ADAMTSL5: variants seen among roughly 807,000 people sequenced by gnomAD.
The protein encoded by ADAMTSL5 is ADAMTS-like protein 5.
ADAMTSL5 carries 53 observed loss-of-function variants against 51.7 expected under a neutral mutation model. The ratio of observed to expected loss-of-function variants is 1.03; its 90% CI spans 0.82 to 1.29. ADAMTSL5 has a LOEUF of 1.29. Among genes scored for constraint, ADAMTSL5 ranks in the 50% most tolerant of loss-of-function variants. ADAMTSL5 has a pLI of 0.00. For missense variants in ADAMTSL5, 770 were observed against 676.2 expected (o/e 1.14, Z -1.54); for synonymous variants, 285 against 278.7 (o/e 1.02, Z -0.23).
intron 6 of ADAMTSL5, 156 bp downstream of exon 6, chr19:1,508,287 G>A (rs946487791): frequency 7.3e-6 from 9 of 1,231,574 alleles, no homozygotes; most frequent in African/African-American, 3.0e-5. Context: ...GGTGCCTAAG[G>A]GGGGCTGGGG....
Position 1,505,735 on chromosome 19 carries a change from G to T in ADAMTSL5, c.*280C>A. The T allele has an allele frequency of 2.5e-6, 1 of 400,434 alleles. No individual in the cohort carries two copies. The highest frequency in any genetic ancestry group is 4.5e-6 in the Non-Finnish European group (1 of 224,174). 24.8% of individuals were successfully genotyped at this position (400,434 alleles called of 1,614,324 possible). A position where few individuals can be genotyped will look rare whatever the true frequency, so the allele number is the denominator to read the frequency against. Reference sequence around the variant, plus strand: ...GAAAGAAAGCAGCGTTAAACTTTCTGAGTATAAATAGCTATGAGCTTCCTG... The same window carrying T: ...GAAAGAAAGCAGCGTTAAACTTTCTTAGTATAAATAGCTATGAGCTTCCTG... On this transcript the variant is annotated 3_prime_UTR_variant, in exon 12 of 12. Coordinates refer to ENST00000330475, the MANE Select transcript of ADAMTSL5 (RefSeq NM_213604.3).
At position 1,506,866 on chromosome 19, in the gene ADAMTSL5, G is replaced by A. The variant is rs1257371635; in HGVS notation, c.915C>T (p.Tyr305=). The A allele has an allele frequency of 6.5e-7, 1 of 1,548,570 alleles. No individual in the cohort carries two copies. Among genetic ancestry groups the A allele is most frequent in the Admixed American group, 2.0e-5 (1 of 50,322 alleles). The change falls in exon 10 of 12, where the codon TAC becomes TAT. Residue 305 remains tyrosine (Y), a synonymous_variant. Coordinates refer to ENST00000330475, the MANE Select transcript of ADAMTSL5 (RefSeq NM_213604.3). The surrounding 1 kb of genome is among the most constrained non-coding windows in gnomAD (Gnocchi z 5.6). ...EFEFWLPRER[Y]SPFQARVQAL... is the part of the protein sequence containing the mutation. ...CCTGCACACGAGCCTGGAAGGGGCT[G>A]TAGCGCTCCCGAGGGAGCCAGAACT...
chr19:1,511,611 AT>A, intron 1 of ADAMTSL5: 1 of 1,043,772 alleles, frequency 9.6e-7, no homozygotes, highest in Non-Finnish European at 1.3e-6. Flanking sequence ...CCTCCCCACC[AT>A]CACTGCTTCT....
chr19:1,510,470 C>T (rs758287834), intron 3 of ADAMTSL5, 42 bp from the exon 4 acceptor site: 1 of 1,564,798 alleles, frequency 6.4e-7, no homozygotes, highest in South Asian at 1.2e-5. Context: ...CAGGGACCCC[C>T]TCCCAGGGCT....
intron 3 of ADAMTSL5, 90 bp downstream of exon 3, chr19:1,510,549 A>T: frequency 6.7e-7 from 1 of 1,483,094 alleles, no homozygotes; most frequent in Non-Finnish European, 9.0e-7. Flanking sequence ...TAAAGGGCAC[A>T]GCATGTGTGG....
chr19:1,507,408 G>T lies in ADAMTSL5; in HGVS notation c.689-3C>A. The T allele has an allele frequency of 6.3e-7, 1 of 1,580,558 alleles. No homozygotes were observed. The highest frequency in any genetic ancestry group is 1.2e-5 in the South Asian group (1 of 85,368). On this transcript the variant is annotated splice_polypyrimidine_tract_variant and splice_region_variant and intron_variant, in intron 8 of 11. Transcript: ENST00000330475. ...GCGCCCATCGCCCCCCATCAGTGCT[G>T]CAAGGGAACAGTCAGCCCTCAGGAA...
chr19:1,512,020 C>G (rs1239377221), intron 1 of ADAMTSL5, among the ~76,000 whole-genome samples: 3 of 152,218 alleles, frequency 2.0e-5, no homozygotes, highest in Non-Finnish European at 4.4e-5. Flanking sequence ...CTTAGTTTCT[C>G]CATCCTGTCA....
At chr19:1,511,763 A>G (rs1599291960) in intron 1 of ADAMTSL5, 3 of 407,174 alleles carry the variant, frequency 7.4e-6, no homozygotes, top group South Asian at 5.5e-5. Flanking sequence ...CTGGATCAGG[A>G]GTTGGGTCCC....
Position 1,508,571 on chromosome 19 carries a change from C to T in ADAMTSL5, c.362-1G>A, listed in dbSNP as rs1913091125. 1.3e-6 allele frequency: 2 copies of T among 1,549,266 alleles called. No homozygotes were observed. The highest frequency in any genetic ancestry group is 8.7e-7 in the Non-Finnish European group (1 of 1,154,724). Reference sequence around the variant, plus strand: ...CAGTTGAGGTCGCACTGGTTGGGCGCTGAGGGCAGGAGGAGTCGGTGGGCC... The same window carrying T: ...CAGTTGAGGTCGCACTGGTTGGGCGTTGAGGGCAGGAGGAGTCGGTGGGCC... On this transcript the variant is annotated splice_acceptor_variant, in intron 5 of 11. Transcript: ENST00000330475. LOFTEE classifies it high-confidence loss of function.
chr19:1,506,559 GC>G lies in ADAMTSL5; in HGVS notation c.1114+30del. On this transcript the variant is annotated intron_variant, in intron 11 of 11. Transcript: ENST00000330475. The surrounding 1 kb of genome is among the most constrained non-coding windows in gnomAD (Gnocchi z 5.6). ...TCAGGAGGAGGCCAGGTTAGTAGGGGCTAAGTCAGGGTAGAGGTCGGGGGTC... is the reference window on the plus strand; with the variant it reads ...TCAGGAGGAGGCCAGGTTAGTAGGGGTAAGTCAGGGTAGAGGTCGGGGGTC... The G allele has an allele frequency of 6.2e-7, 1 of 1,603,836 alleles. No individual in the cohort carries two copies. Among genetic ancestry groups the G allele is most frequent in the Non-Finnish European group, 8.5e-7 (1 of 1,175,452 alleles).
At chr19:1,508,292 C>T (rs1913068582) in intron 6 of ADAMTSL5, 151 bp downstream of exon 6, 1 of 621,662 alleles carries the variant, frequency 1.6e-6, no homozygotes, top group Admixed American at 1.1e-4. Flanking sequence ...CTAAGGGGGG[C>T]TGGGGGCAGG....
chr19:1,512,656 G>A (rs1202418121), intron 1 of ADAMTSL5, among the ~76,000 whole-genome samples: 1 of 152,122 alleles, frequency 6.6e-6, no homozygotes, highest in Non-Finnish European at 1.5e-5. Flanking sequence ...CTCCAGCCTG[G>A]GCGACATAGT....
At chr19:1,509,765 C>A (rs1913161630) in intron 5 of ADAMTSL5, among the ~76,000 whole-genome samples, 1 of 152,192 alleles carries the variant, frequency 6.6e-6, no homozygotes, top group South Asian at 2.1e-4. Context: ...CTGTGTCTGC[C>A]TTCCCCATGG....
chr19:1,510,820 C>T (rs200741521), intron 2 of ADAMTSL5, 25 bp downstream of exon 2: 224 of 1,518,326 alleles, frequency 1.5e-4, no homozygotes, highest in Non-Finnish European at 1.9e-4. Context: ...CACTCGCCAC[C>T]CCCTGGGCTC....
Position 1,510,663 on chromosome 19 carries a change from GA to G in ADAMTSL5, c.166del (p.Ser56LeufsTer154). 1.3e-6 allele frequency: 2 copies of G among 1,540,008 alleles called. No homozygotes were observed. The highest frequency in any genetic ancestry group is 1.8e-6 in the Non-Finnish European group (2 of 1,142,092). The part of the protein sequence containing the change: ...RCSSSCGRGV[S>X]VRSRRCLRLP... ...CCGGAGGCAGCGCCGGCTGCGCACA[GA>G]GACGCCACGCCCGCAGGAGCTGGAG... On this transcript the variant is annotated frameshift_variant, in exon 3 of 12. Coordinates refer to ENST00000330475, the MANE Select transcript of ADAMTSL5 (RefSeq NM_213604.3). LOFTEE classifies it high-confidence loss of function.
chr19:1,508,717 G>A, intron 5 of ADAMTSL5, 147 bp from the exon 6 acceptor site: 1 of 1,186,676 alleles, frequency 8.4e-7, no homozygotes, highest in Non-Finnish European at 1.1e-6. Context: ...GCAGAGCCAG[G>A]ACTGGACCGT....
chr19:1,507,121 C>A, intron 9 of ADAMTSL5, 121 bp downstream of exon 9: 7 of 1,262,712 alleles, frequency 5.5e-6, no homozygotes, highest in Non-Finnish European at 7.5e-6. Flanking sequence ...CCCAGCCTCT[C>A]CCCTCTGACC....
chr19:1,506,330 G>T lies in ADAMTSL5; in HGVS notation c.1115-14C>A. The stretch of plus-strand genomic sequence containing the variant: ...GGGCCTGGAACACTGTTGAGGGGAC[G>T]TGCTAAGCTGGCTGGCTGCTCAACT... On this transcript the variant is annotated splice_polypyrimidine_tract_variant and intron_variant, in intron 11 of 11. Transcript: ENST00000330475. This position sits in a 1 kb window ranked among gnomAD's most constrained non-coding sequence, Gnocchi z 5.6. 9 of 1,541,334 alleles carry T rather than the reference G, an allele frequency of 5.8e-6. No individual in the cohort carries two copies. The highest frequency in any genetic ancestry group is 7.9e-6 in the Non-Finnish European group (9 of 1,142,644).
rs1167750776 is a variant in ADAMTSL5 at position 1,506,756 on chromosome 19, G to T, written c.1025C>A (p.Thr342Asn). Residue 342 changes from threonine (T) to asparagine (N), a missense_variant, in exon 10 of 12, where the codon ACC becomes AAC. Coordinates refer to ENST00000330475, the MANE Select transcript of ADAMTSL5 (RefSeq NM_213604.3). This position sits in a 1 kb window ranked among gnomAD's most constrained non-coding sequence, Gnocchi z 5.6. ...CACCTCACCTGGGGCCAGCGTTGGG[G>T]TCTGTGCAGGGGTGACAGCAGGGGC... ...PAAPAVTPAQ[T>N]PTLAPDPCPP... The T allele has an allele frequency of 6.4e-7, 1 of 1,556,386 alleles. No homozygotes were observed. The highest frequency in any genetic ancestry group is 8.7e-7 in the Non-Finnish European group (1 of 1,150,042).
Sources: gnomAD v4.1 joint callset for allele counts (sites outside exome capture counted in the v4.1 genomes callset) on GRCh38, gnomAD v4.1.1 for gene constraint, Gnocchi (gnomAD v3.1) non-coding constraint, MANE v1.5 for transcripts, NCBI Gene and HGNC (gene_info 2026-07-23, HGNC 2026-07-21) for gene names.